NPTN: variants seen among roughly 807,000 people sequenced by gnomAD.
NPTN encodes neuroplastin, also known as SDR-1.
NPTN carries 5 observed loss-of-function variants against 42.7 expected under a neutral mutation model. The ratio of observed to expected loss-of-function variants is 0.12; its 90% confidence interval spans 0.06 to 0.25. NPTN has a LOEUF of 0.25. Ranked by LOEUF, NPTN falls within the 10% of genes least tolerant of loss-of-function variation. The probability of loss-of-function intolerance (pLI) is 1.00; values close to 1 mark genes in which losing one functional copy is unlikely to be tolerated. For missense variants in NPTN, 307 were observed against 525.4 expected (o/e 0.58, Z 4.06); for synonymous variants, 180 against 201.9 (o/e 0.89, Z 0.92).
At chr15:73,599,253 G>C (rs932121552) in intron 1 of NPTN, among the ~76,000 whole-genome samples, 3 of 152,216 alleles carry the variant, frequency 2.0e-5, no homozygotes, top group Non-Finnish European at 4.4e-5. Flanking sequence ...TATCCAAGGA[G>C]CCATGTCTCG....
intron 6 of NPTN, chr15:73,568,842 C>A: frequency 1.0e-6 from 1 of 985,578 alleles, no homozygotes; most frequent in Non-Finnish European, 1.2e-6. Flanking sequence ...ACTCACTCTA[C>A]TTACTGCAGG....
At chr15:73,622,006 T>C (rs1054396987) in intron 1 of NPTN, among the ~76,000 whole-genome samples, 2 of 152,080 alleles carry the variant, frequency 1.3e-5, no homozygotes, top group African/African-American at 2.4e-5. Flanking sequence ...ATGATTTTCT[T>C]AGTACTGAAA....
chr15:73,567,748 G>A (rs1464841946), intron 6 of NPTN: 1 of 985,332 alleles, frequency 1.0e-6, no homozygotes, highest in African/African-American at 1.7e-5. Context: ...AAATACTGGA[G>A]CAAGGGCAGG....
chr15:73,592,582 T>C (rs1268436506), intron 2 of NPTN, among the ~76,000 whole-genome samples: 1 of 152,164 alleles, frequency 6.6e-6, no homozygotes, highest in East Asian at 1.9e-4. Context: ...AATAATTACA[T>C]AATACATGTA....
intron 1 of NPTN, among the ~76,000 whole-genome samples, chr15:73,626,322 G>A (rs545401788): frequency 6.6e-6 from 1 of 152,286 alleles, no homozygotes; most frequent in Admixed American, 6.5e-5. Context: ...AACAAGAACT[G>A]CAAGGGTTGT....
chr15:73,564,568 TAAC>T (rs1894870626), intron 6 of NPTN, among the ~76,000 whole-genome samples: 1 of 152,152 alleles, frequency 6.6e-6, no homozygotes, highest in African/African-American at 2.4e-5. Context: ...AGTCCACTAC[TAAC>T]AACAGTATAC....
chr15:73,589,563 G>C lies in NPTN; in HGVS notation c.612-1945C>G, dbSNP rs200604726. ...AGATGAGAGGATAAATAGTTATATA[G>C]GGCTGAGTTCTAGCTCTTTTGCTTA... On this transcript the variant is annotated intron_variant, in intron 3 of 8. Coordinates refer to ENST00000345330, the MANE Select transcript of NPTN (RefSeq NM_012428.4). Among the ~76,000 whole-genome samples, 3 of 152,166 alleles carry C rather than the reference G, an allele frequency of 2.0e-5. No individual in the cohort carries two copies. In the East Asian group the frequency reaches 5.8e-4, roughly 30 times the overall value.
chr15:73,580,555 T>TAC (rs1470324224), intron 4 of NPTN, among the ~76,000 whole-genome samples: 1 of 142,770 alleles, frequency 7.0e-6, no homozygotes, highest in Non-Finnish European at 1.5e-5. Flanking sequence ...TATATGTATA[T>TAC]ATGTATATAC....
intron 1 of NPTN, among the ~76,000 whole-genome samples, chr15:73,627,779 G>C (rs536966992): frequency 6.6e-5 from 10 of 152,210 alleles, no homozygotes; most frequent in African/African-American, 2.2e-4. Context: ...AAACTGAATA[G>C]ATCCTTAAAA....
chr15:73,625,489 C>T (rs1440263147), intron 1 of NPTN, among the ~76,000 whole-genome samples: 1 of 152,034 alleles, frequency 6.6e-6, no homozygotes, highest in East Asian at 1.9e-4. Flanking sequence ...CGGCGACCAC[C>T]CCTGGCTGAT....
chr15:73,581,345 T>C (rs1355185340), intron 4 of NPTN, among the ~76,000 whole-genome samples: 1 of 152,132 alleles, frequency 6.6e-6, no homozygotes, highest in East Asian at 1.9e-4. Context: ...GAGACAATAC[T>C]CTGTGCTTCT....
At chr15:73,575,457 T>C (rs545612167) in intron 4 of NPTN, among the ~76,000 whole-genome samples, 1 of 152,372 alleles carries the variant, frequency 6.6e-6, no homozygotes, top group East Asian at 1.9e-4. Flanking sequence ...CAAAGCAGGC[T>C]GGATGTCACT....
chr15:73,630,908 T>C (rs1195412994), intron 1 of NPTN, among the ~76,000 whole-genome samples: 5 of 152,210 alleles, frequency 3.3e-5, no homozygotes, highest in Non-Finnish European at 7.3e-5. Flanking sequence ...CTATAGGAAC[T>C]CAAACTCAAA....
chr15:73,591,949 C>G lies in NPTN; in HGVS notation c.611+17G>C. On this transcript the variant is annotated intron_variant, in intron 3 of 8. Transcript: ENST00000345330. Reference sequence around the variant, plus strand: ...ACACTCCCTCCCACCTTCCCAGGAGCTGCCCACCACTCTCACCTGTACTCC... The same window carrying G: ...ACACTCCCTCCCACCTTCCCAGGAGGTGCCCACCACTCTCACCTGTACTCC... The G allele has an allele frequency of 6.3e-7, 1 of 1,597,020 alleles. No individual in the cohort carries two copies. The highest frequency in any genetic ancestry group is 1.7e-5 in the Admixed American group (1 of 58,768).
chr15:73,601,045 C>T lies in NPTN; in HGVS notation c.92-3676G>A, dbSNP rs79504326. ...AGCACCTGAAAGTTTTATAAAACTCCGCAGTTTGCAAAGAGCTTCCACATA... is the reference window on the plus strand; with the variant it reads ...AGCACCTGAAAGTTTTATAAAACTCTGCAGTTTGCAAAGAGCTTCCACATA... On this transcript the variant is annotated intron_variant, in intron 1 of 8. Coordinates refer to ENST00000345330, the MANE Select transcript of NPTN (RefSeq NM_012428.4). Among the ~76,000 whole-genome samples, 1,232 of 152,288 alleles carry T rather than the reference C, an allele frequency of 8.1e-3. 26 individuals are homozygous for T. The highest frequency in any genetic ancestry group is 0.028 in the African/African-American group (1,176 of 41,564).
chr15:73,607,818 G>A lies in NPTN; in HGVS notation c.92-10449C>T, dbSNP rs189221718. ...TACCATGCAGCAGAATCATTTGGAGGGCCTGTTAGAACACAGACTGAGGCC... is the reference window on the plus strand; with the variant it reads ...TACCATGCAGCAGAATCATTTGGAGAGCCTGTTAGAACACAGACTGAGGCC... On this transcript the variant is annotated intron_variant, in intron 1 of 8. Coordinates refer to ENST00000345330, the MANE Select transcript of NPTN (RefSeq NM_012428.4). Among the ~76,000 whole-genome samples the A allele has an allele frequency of 2.1e-3, 324 of 152,252 alleles. 1 individual carries two copies. The highest frequency in any genetic ancestry group is 7.5e-3 in the African/African-American group (312 of 41,540).
At chr15:73,621,512 A>G (rs909139398) in intron 1 of NPTN, among the ~76,000 whole-genome samples, 1 of 152,192 alleles carries the variant, frequency 6.6e-6, no homozygotes, top group African/African-American at 2.4e-5. Flanking sequence ...GCAGTTTATT[A>G]AGCACTTCAG....
rs1391690916 is a variant in NPTN, at chr15:73,569,234, G to A, written c.1114+916C>T. 4 of 985,406 alleles carry A rather than the reference G, an allele frequency of 4.1e-6. No homozygotes were observed. The East Asian group carries it at 3.4e-4, about 84-fold the overall frequency. 61.0% of individuals were successfully genotyped at this position (985,406 alleles called of 1,614,324 possible). Reference sequence around the variant, plus strand: ...GTTATAGGGTGGGGATGGGGAGCCAGCTGGGAACCTGAAGTACTGCAGATA... The same window carrying A: ...GTTATAGGGTGGGGATGGGGAGCCAACTGGGAACCTGAAGTACTGCAGATA... On this transcript the variant is annotated intron_variant, in intron 6 of 8. Transcript: ENST00000345330. The surrounding 1 kb of genome is among the most constrained non-coding windows in gnomAD (Gnocchi z 4.1).
intron 2 of NPTN, 22 bp from the exon 3 acceptor site, chr15:73,592,159 A>G: frequency 6.2e-7 from 1 of 1,600,472 alleles, no homozygotes; most frequent in Non-Finnish European, 8.5e-7. Flanking sequence ...GTGCACAATG[A>G]TAGGGGGCAA....
Sources: allele counts gnomAD v4.1 joint callset (sites outside exome capture counted in the v4.1 genomes callset), GRCh38; gene constraint gnomAD v4.1.1; non-coding constraint Gnocchi (gnomAD v3.1); transcripts MANE v1.5; gene names NCBI Gene and HGNC (gene_info 2026-07-23, HGNC 2026-07-21).